Variants in GCNT2 observed in about 807,000 individuals in gnomAD.
GCNT2 encodes glucosaminyl (N-acetyl) transferase 2 (I blood group).
GCNT2 carries 34 observed loss-of-function variants against 34.2 expected under a neutral mutation model. The observed-to-expected ratio is 1.00, with a 90% CI of 0.76 to 1.32. The LOEUF is 1.32. Ranked by LOEUF, GCNT2 falls within the 40% of genes most tolerant of loss-of-function variation. GCNT2 has a pLI of 0.00. For missense variants in GCNT2, 584 were observed against 489.4 expected, an observed-to-expected ratio of 1.19 and a Z score of -1.82; for synonymous variants, 212 against 188.0, an observed-to-expected ratio of 1.13 and a Z score of -1.04.
At chr6:10,585,323 G>A (rs767610439) in intron 3 of GCNT2, among the ~76,000 whole-genome samples, 12 of 152,058 alleles carry the variant, frequency 7.9e-5, no homozygotes, top group Admixed American at 3.3e-4. Flanking sequence ...GAGACTACAC[G>A]TGCGTGCCAC....
chr6:10,539,092 T>G (rs1038264910), intron 3 of GCNT2, among the ~76,000 whole-genome samples: 7 of 151,754 alleles, frequency 4.6e-5, no homozygotes, highest in Admixed American at 2.0e-4. Context: ...TTACTCTCTA[T>G]TAGAGTTGGA....
intron 3 of GCNT2, among the ~76,000 whole-genome samples, chr6:10,537,825 A>G (rs1056427024): frequency 2.0e-5 from 3 of 151,876 alleles, no homozygotes; most frequent in Non-Finnish European, 4.4e-5. Flanking sequence ...GAACACTTAC[A>G]TTGTTAGCCT....
At chr6:10,586,160 A>G in intron 3 of GCNT2, 1 of 1,614,204 alleles carries the variant, frequency 6.2e-7, no homozygotes, top group East Asian at 2.2e-5. Context: ...AGAAAATGCC[A>G]GTCTTTTTGT....
rs538043872 is a variant in GCNT2, at chr6:10,609,447, C to T, written c.926-11904C>T. Among the ~76,000 whole-genome samples the T allele has an allele frequency of 2.0e-5, 3 of 152,342 alleles. No individual in the cohort carries two copies. In the South Asian group the frequency reaches 6.2e-4, roughly 32 times the overall value. ...AATGACATTAGTCCATTCATGATGT[C>T]AGAGCCCTCATGACCTGGTCAGTTC... On this transcript the variant is annotated intron_variant, in intron 3 of 4. Transcript: ENST00000495262.
In GCNT2 at chr6:10,529,143, A is replaced by C; in HGVS notation, c.232A>C (p.Met78Leu). Residue 78 changes from methionine to leucine, a missense_variant, in exon 3 of 5, where the codon ATG becomes CTG. By Grantham distance (15) the Met-to-Leu change is conservative. Transcript: ENST00000495262. ...TGATGAAGCTACCTGCTATGAGTAC[A>C]TGGTTCGAAGCCACTATGTAACAGA... ...TLDEATCYEY[M>L]VRSHYVTETL... The C allele has an allele frequency of 1.2e-6, 2 of 1,614,134 alleles. No individual in the cohort carries two copies. The highest frequency in any genetic ancestry group is 1.7e-6 in the Non-Finnish European group (2 of 1,179,972).
chr6:10,608,793 T>C (rs1561835177), intron 3 of GCNT2, among the ~76,000 whole-genome samples: 1 of 152,172 alleles, frequency 6.6e-6, no homozygotes, highest in Admixed American at 6.5e-5. Context: ...AAGAGCTGTG[T>C]GAAAATGGAA....
intron 3 of GCNT2, among the ~76,000 whole-genome samples, chr6:10,616,202 G>T (rs573460946): frequency 6.6e-6 from 1 of 152,244 alleles, no homozygotes; most frequent in African/African-American, 2.4e-5. Context: ...TTTCAAGGCG[G>T]TGCGTTTGGA....
At chr6:10,585,753 G>C in intron 3 of GCNT2, 1 of 1,407,302 alleles carries the variant, frequency 7.1e-7, no homozygotes, top group Non-Finnish European at 9.2e-7. Context: ...TTCAACCCTG[G>C]GGAACTGCAG....
At chr6:10,589,190 TGTGTGTATG>T (rs1332881828) in intron 3 of GCNT2, among the ~76,000 whole-genome samples, 5 of 114,128 alleles carry the variant, frequency 4.4e-5, no homozygotes, top group South Asian at 2.5e-4. Flanking sequence ...ATGTGCGTCA[TGTGTGTATG>T]GTGTGTGTGG....
intron 3 of GCNT2, among the ~76,000 whole-genome samples, chr6:10,538,387 G>A (rs1236642504): frequency 3.5e-5 from 4 of 113,630 alleles, no homozygotes; most frequent in Admixed American, 1.3e-4. Flanking sequence ...TGGCCTGGGC[G>A]ACAAGAGTGA....
chr6:10,524,297 C>T (rs966944264), intron 1 of GCNT2, among the ~76,000 whole-genome samples: 1 of 146,640 alleles, frequency 6.8e-6, no homozygotes, highest in Non-Finnish European at 1.5e-5. Context: ...GTTGCCTGGG[C>T]TGGAGTGCGA....
chr6:10,617,148 C>T (rs1174115598), intron 3 of GCNT2, among the ~76,000 whole-genome samples: 1 of 152,156 alleles, frequency 6.6e-6, no homozygotes, highest in Non-Finnish European at 1.5e-5. Context: ...CGCAGGAGCC[C>T]ATGGCGGTCG....
intron 3 of GCNT2, among the ~76,000 whole-genome samples, chr6:10,560,469 G>A (rs1239356152): frequency 5.3e-5 from 8 of 152,078 alleles, no homozygotes; most frequent in Non-Finnish European, 8.8e-5. Context: ...TTTTGCAAAC[G>A]TGCAAGTGCA....
intron 1 of GCNT2, among the ~76,000 whole-genome samples, chr6:10,523,947 T>C (rs905864809): frequency 3.4e-5 from 4 of 117,176 alleles, no homozygotes; most frequent in African/African-American, 1.3e-4. Flanking sequence ...CACTCCAGCC[T>C]GGGTGACAGA....
At chr6:10,557,110 T>A in intron 3 of GCNT2, 2 of 1,564,624 alleles carry the variant, frequency 1.3e-6, no homozygotes, top group Non-Finnish European at 1.7e-6. Context: ...GGACTAAATA[T>A]GTCCACCAAG....
chr6:10,522,239 G>GGT (rs1177885293), intron 1 of GCNT2, among the ~76,000 whole-genome samples: 1 of 151,306 alleles, frequency 6.6e-6, no homozygotes, highest in African/African-American at 2.5e-5. Flanking sequence ...ATTCCTGTGA[G>GGT]GTATGAACCT....
At chr6:10,539,206 T>TG (rs1761924546) in intron 3 of GCNT2, among the ~76,000 whole-genome samples, 1 of 136,100 alleles carries the variant, frequency 7.3e-6, no homozygotes, top group African/African-American at 2.9e-5. Flanking sequence ...TTTTTTTTTT[T>TG]GAGGCAGAGT....
chr6:10,545,230 G>A (rs1056897983), intron 3 of GCNT2, among the ~76,000 whole-genome samples: 12 of 151,844 alleles, frequency 7.9e-5, no homozygotes, highest in African/African-American at 2.9e-4. Flanking sequence ...AGTCCTAGTT[G>A]GTGCCTTTGC....
rs553734358 is a variant in GCNT2, at chr6:10,552,875, C to T, written c.925+23039C>T. On this transcript the variant is annotated intron_variant, in intron 3 of 4. Transcript: ENST00000495262. ...ACTTCTTCAATGACAGAGCAAGCCA[C>T]GTAAAAATACCCTTCCAAGGAAAGC... Among the ~76,000 whole-genome samples the T allele has an allele frequency of 7.2e-5, 11 of 152,298 alleles. No individual in the cohort carries two copies. In the East Asian group the frequency reaches 1.2e-3, roughly 16 times the overall value.
Sources: gnomAD v4.1 joint callset for allele counts (sites outside exome capture counted in the v4.1 genomes callset) on GRCh38, gnomAD v4.1.1 for gene constraint, MANE v1.5 for transcripts, NCBI Gene and HGNC (gene_info 2026-07-23, HGNC 2026-07-21) for gene names.